The following PRKCE variants were observed in gnomAD, a reference collection of about 807,000 sequenced individuals.
PRKCE encodes protein kinase C epsilon, also known as protein kinase C epsilon type.
Under a neutral mutation model 85.4 loss-of-function variants are expected in PRKCE, and 16 were observed. The ratio of observed to expected loss-of-function variants is 0.19; its 90% confidence interval spans 0.13 to 0.28. The LOEUF (loss-of-function observed/expected upper bound fraction) is 0.28, where lower values mean the gene tolerates loss of function less well. PRKCE is among the 10% of genes least tolerant of loss of function. PRKCE has a pLI of 1.00. For missense variants in PRKCE, 573 were observed against 975.2 expected (o/e 0.59, Z 5.49); for synonymous variants, 388 against 371.5 (o/e 1.04, Z -0.51).
At chr2:45,967,639 A>C (rs1053501788) in intron 2 of PRKCE, among the ~76,000 whole-genome samples, 3 of 152,204 alleles carry the variant, frequency 2.0e-5, no homozygotes, top group Non-Finnish European at 2.9e-5. Context: ...AGAAAATCAG[A>C]TTAATGAAGG....
intron 10 of PRKCE, among the ~76,000 whole-genome samples, chr2:46,080,972 TACACACAC>T (rs112421012): frequency 1.2e-4 from 17 of 147,586 alleles, no homozygotes; most frequent in Non-Finnish European, 1.8e-4. Context: ...CAGTTATGCA[TACACACAC>T]ACACACACAC....
At chr2:46,072,558 C>T (rs1227869547) in intron 10 of PRKCE, among the ~76,000 whole-genome samples, 2 of 152,192 alleles carry the variant, frequency 1.3e-5, no homozygotes, top group East Asian at 1.9e-4. Flanking sequence ...TAAACACGGT[C>T]GGGACCTTCA....
At chr2:46,023,297 C>T (rs765437636) in intron 10 of PRKCE, among the ~76,000 whole-genome samples, 1 of 152,064 alleles carries the variant, frequency 6.6e-6, no homozygotes, top group Non-Finnish European at 1.5e-5. Flanking sequence ...ATATGTATTA[C>T]CTGTCCCCTA....
intron 11 of PRKCE, among the ~76,000 whole-genome samples, chr2:46,119,207 A>G (rs1673073519): frequency 1.3e-5 from 2 of 152,332 alleles, no homozygotes; most frequent in African/African-American, 2.4e-5. Flanking sequence ...AGCTTGATAT[A>G]AAAATACAGG....
intron 2 of PRKCE, among the ~76,000 whole-genome samples, chr2:45,888,632 G>T (rs1229308438): frequency 6.6e-6 from 1 of 152,046 alleles, no homozygotes; most frequent in African/African-American, 2.4e-5. Flanking sequence ...TGTAATTTCA[G>T]TAGAGATGGG....
At chr2:46,181,686 A>T (rs1425582200) in intron 14 of PRKCE, among the ~76,000 whole-genome samples, 2 of 152,198 alleles carry the variant, frequency 1.3e-5, no homozygotes, top group Non-Finnish European at 2.9e-5. Flanking sequence ...ATTAACAGAC[A>T]CTAATGACCA....
intron 11 of PRKCE, among the ~76,000 whole-genome samples, chr2:46,114,099 C>T (rs1460458952): frequency 2.6e-5 from 4 of 152,146 alleles, no homozygotes; most frequent in Non-Finnish European, 4.4e-5. Flanking sequence ...CCAGGCTGGG[C>T]CTTTGGACCC....
chr2:45,719,524 C>A (rs1680434205), intron 1 of PRKCE, among the ~76,000 whole-genome samples: 1 of 152,112 alleles, frequency 6.6e-6, no homozygotes, highest in African/African-American at 2.4e-5. Context: ...GGGCAGTTGG[C>A]ACTTGGGAAA....
At chr2:45,908,044 A>G (rs1697113364) in intron 2 of PRKCE, among the ~76,000 whole-genome samples, 1 of 152,066 alleles carries the variant, frequency 6.6e-6, no homozygotes, top group Non-Finnish European at 1.5e-5. Context: ...CCTTTGAGGC[A>G]TTTTCCAGAG....
intron 11 of PRKCE, among the ~76,000 whole-genome samples, chr2:46,095,822 C>G (rs917224649): frequency 6.6e-6 from 1 of 152,182 alleles, no homozygotes. Context: ...AGTCTTTATC[C>G]AGAAATGAAC....
At chr2:45,748,797 C>T (rs997188367) in intron 1 of PRKCE, among the ~76,000 whole-genome samples, 12 of 152,140 alleles carry the variant, frequency 7.9e-5, no homozygotes, top group Admixed American at 6.6e-4. Context: ...GTGGCGAATG[C>T]ACCTGAGAGC....
chr2:46,023,097 A>C (rs1706815259), intron 10 of PRKCE, among the ~76,000 whole-genome samples: 1 of 150,916 alleles, frequency 6.6e-6, no homozygotes, highest in South Asian at 2.1e-4. Context: ...CTCAAAAAAA[A>C]AAAAAAAAAA....
intron 1 of PRKCE, among the ~76,000 whole-genome samples, chr2:45,840,865 C>G (rs947040595): frequency 6.6e-6 from 1 of 152,142 alleles, no homozygotes; most frequent in Non-Finnish European, 1.5e-5. Context: ...ATGTGGTGCT[C>G]ATGGTATAGC....
intron 1 of PRKCE, among the ~76,000 whole-genome samples, chr2:45,669,672 A>G (rs920991502): frequency 2.6e-5 from 4 of 152,244 alleles, no homozygotes; most frequent in African/African-American, 9.7e-5. Flanking sequence ...AATATAAATT[A>G]GCGGCACCTT....
At chr2:46,027,433 A>G (rs1334642486) in intron 10 of PRKCE, among the ~76,000 whole-genome samples, 1 of 152,206 alleles carries the variant, frequency 6.6e-6, no homozygotes, top group Non-Finnish European at 1.5e-5. Flanking sequence ...GCAATTAAAG[A>G]GAGTTAAAGG....
chr2:45,699,808 T>A lies in PRKCE; in HGVS notation c.348+47360T>A, dbSNP rs929762110. Among the ~76,000 whole-genome samples the A allele has an allele frequency of 2.0e-5, 3 of 152,292 alleles. No homozygotes were observed. In the East Asian group the frequency reaches 5.8e-4, roughly 29 times the overall value. On this transcript the variant is annotated intron_variant, in intron 1 of 14. Transcript: ENST00000306156. ...AGACTGTGCTGTTGCTGTGGGCTGA[T>A]GCGGGAGGTGTGATTCTCTTGGAAT... is the stretch of plus-strand genomic sequence containing the variant.
chr2:46,106,762 A>G (rs72877800), intron 11 of PRKCE, among the ~76,000 whole-genome samples: 1,576 of 152,322 alleles, frequency 0.01, 25 homozygotes, highest in African/African-American at 0.037. Context: ...TTTGAATTAA[A>G]TGACCTCTTT....
chr2:45,812,005 G>A (rs1231750988), intron 1 of PRKCE, among the ~76,000 whole-genome samples: 1 of 152,064 alleles, frequency 6.6e-6, no homozygotes, highest in Non-Finnish European at 1.5e-5. Context: ...AATACTCTTG[G>A]CACTGTCTGT....
At chr2:46,031,656 G>C (rs1574286283) in intron 10 of PRKCE, among the ~76,000 whole-genome samples, 1 of 149,676 alleles carries the variant, frequency 6.7e-6, no homozygotes, top group Non-Finnish European at 1.5e-5. Context: ...CACTTACCCA[G>C]AGTAAAATGC....
Sources: gnomAD v4.1 joint callset for allele counts (sites outside exome capture counted in the v4.1 genomes callset) on GRCh38, gnomAD v4.1.1 for gene constraint, MANE v1.5 for transcripts, NCBI Gene and HGNC (gene_info 2026-07-23, HGNC 2026-07-21) for gene names.